Variants in CYP1B1 observed in about 807,000 individuals in gnomAD.
CYP1B1 encodes cytochrome P450 family 1 subfamily B member 1.
A neutral mutation model predicts 29.9 loss-of-function variants in CYP1B1; 22 were observed. The ratio of observed to expected loss-of-function variants is 0.74; its 90% CI spans 0.53 to 1.05. The LOEUF is 1.05. Ranked by LOEUF, CYP1B1 falls within the 50% of genes least tolerant of loss-of-function variation. The pLI is 0.00. For synonymous variants in CYP1B1, 375 were observed against 320.0 expected, an observed-to-expected ratio of 1.17 and a Z score of -1.83; for missense variants, 883 against 746.9, an observed-to-expected ratio of 1.18 and a Z score of -2.12.
In CYP1B1 at chr2:38,074,973, T is replaced by G. The variant is rs899222438; in HGVS notation, c.416A>C (p.Glu139Ala). The G allele has an allele frequency of 1.9e-6, 3 of 1,584,172 alleles. No individual in the cohort carries two copies. The highest frequency in any genetic ancestry group is 2.7e-5 in the African/African-American group (2 of 74,582). ...TGCGCGCCGCTGCACCTTCCAGTGC[T>G]CCGAGTAGTGGCCGAAAGCCATGCT... is the stretch of plus-strand genomic sequence containing the variant. Reference protein sequence around the residue: ...GRSMAFGHYSEHWKVQRRAAH... With the variant: ...GRSMAFGHYSAHWKVQRRAAH... The change falls in exon 2 of 3, where the codon GAG (glutamate) becomes GCG (alanine). Residue 139 changes from glutamate (E) to alanine (A), a missense_variant. Physicochemically the swap from Glu to Ala is moderately radical, Grantham distance 107. Transcript: ENST00000610745.
At position 38,071,186 on chromosome 2, in the gene CYP1B1, G is replaced by T. The variant is rs148542782; in HGVS notation, c.1168C>A (p.Arg390Ser). ...YVLAFLYEAM[R>S]FSSFVPVTIP... The stretch of plus-strand genomic sequence containing the variant: ...GTGACAGGCACAAAGCTGGAGAAGC[G>T]CATGGCTTCATAAAGGAAGGCCAGG... Residue 390 changes from arginine to serine, a missense_variant, in exon 3 of 3, where the codon CGC (arginine) becomes AGC (serine). Physicochemically the swap from Arg to Ser is moderately radical, Grantham distance 110 (BLOSUM62 -1). Coordinates refer to ENST00000610745, the MANE Select transcript of CYP1B1 (RefSeq NM_000104.4). 17 of 1,613,768 alleles carry T rather than the reference G, an allele frequency of 1.1e-5. No homozygotes were observed. Among genetic ancestry groups the T allele is most frequent in the African/African-American group, 4.0e-5 (3 of 75,048 alleles).
rs780857657 is a variant in CYP1B1, at chr2:38,075,008, G to T, written c.381C>A (p.Ser127=). The part of the protein sequence containing the change: ...RPAFASFRVV[S]GGRSMAFGHY... ...GGCCGAAAGCCATGCTGCGGCCGCC[G>T]GACACCACACGGAAGGAGGCGAAGG... The change falls in exon 2 of 3, where the codon TCC becomes TCA. Residue 127 remains serine, a synonymous_variant. Transcript: ENST00000610745. 6.3e-7 allele frequency: 1 copy of T among 1,590,934 alleles called. No homozygotes were observed. The highest frequency in any genetic ancestry group is 2.3e-5 in the East Asian group (1 of 44,406).
Position 38,071,400 on chromosome 2 carries a change from C to T in CYP1B1, c.1044-90G>A, listed in dbSNP as rs367993908. On this transcript the variant is annotated intron_variant, in intron 2 of 2. Transcript: ENST00000610745. Reference sequence around the variant, plus strand: ...CACATTATAATTTATTTTAATTCCACTTTTTCTTAAATAGGCTATCTAGCT... The same window carrying T: ...CACATTATAATTTATTTTAATTCCATTTTTTCTTAAATAGGCTATCTAGCT... 6.3e-6 allele frequency: 8 copies of T among 1,263,022 alleles called. No homozygotes were observed. In the East Asian group the frequency reaches 1.0e-4, roughly 16 times the overall value. The allele number at this position is 1,263,022 out of a possible 1,614,324, so 78.2% of individuals were successfully genotyped here.
At position 38,071,030 on chromosome 2, in the gene CYP1B1, G is replaced by A; in HGVS notation, c.1324C>T (p.Pro442Ser). Residue 442 changes from proline to serine, a missense_variant, in exon 3 of 3, where the codon CCA (proline) becomes TCA (serine). Coordinates refer to ENST00000610745, the MANE Select transcript of CYP1B1 (RefSeq NM_000104.4). Reference protein sequence around the residue: ...LKWPNPENFDPARFLDKDGLI... With the variant: ...LKWPNPENFDSARFLDKDGLI... The stretch of plus-strand genomic sequence containing the variant: ...CCATCCTTGTCCAAGAATCGAGCTG[G>A]ATCAAAGTTCTCCGGGTTAGGCCAC... 6.2e-7 allele frequency: 1 copy of A among 1,614,108 alleles called. No individual in the cohort carries two copies. Among genetic ancestry groups the A allele is most frequent in the Non-Finnish European group, 8.5e-7 (1 of 1,179,990 alleles).
chr2:38,072,922 A>T (rs1019060153), intron 2 of CYP1B1, among the ~76,000 whole-genome samples: 2 of 152,376 alleles, frequency 1.3e-5, no homozygotes, highest in South Asian at 4.1e-4. Context: ...CAGCATATTG[A>T]ATTGAAAGTG....
chr2:38,075,456 C>T, intron 1 of CYP1B1, 67 bp from the exon 2 acceptor site: 1 of 1,519,218 alleles, frequency 6.6e-7, no homozygotes, highest in Non-Finnish European at 9.0e-7. Context: ...CCCCACGCCC[C>T]TACCCCAGCC....
Position 38,074,552 on chromosome 2 carries a change from G to A in CYP1B1, c.837C>T (p.His279=), listed in dbSNP as rs149784934. Residue 279 remains histidine (H), a synonymous_variant, in exon 2 of 3, where the codon CAC becomes CAT. Transcript: ENST00000610745. ...CGGCCCCGGGCCGAAGGCTTTCGCA[G>A]TGCCTCAAGAACTTGTCCAGGATGA... The part of the protein sequence containing the change: ...SNFILDKFLR[H]CESLRPGAAP... The A allele has an allele frequency of 6.2e-7, 1 of 1,609,284 alleles. No homozygotes were observed. Among genetic ancestry groups the A allele is most frequent in the Non-Finnish European group, 8.5e-7 (1 of 1,178,062 alleles).
chr2:38,074,961 A>T lies in CYP1B1; in HGVS notation c.428T>A (p.Val143Glu). The change falls in exon 2 of 3, where the codon GTG becomes GAG. Residue 143 changes from valine to glutamate, a missense_variant. Transcript: ENST00000610745. ...CATGCTGTGGGCTGCGCGCCGCTGC[A>T]CCTTCCAGTGCTCCGAGTAGTGGCC... The part of the protein sequence containing the change: ...AFGHYSEHWK[V>E]QRRAAHSMMR... 4 of 1,577,212 alleles carry T rather than the reference A, an allele frequency of 2.5e-6. No homozygotes were observed. Among genetic ancestry groups the T allele is most frequent in the Non-Finnish European group, 3.4e-6 (4 of 1,169,512 alleles).
chr2:38,072,223 C>T (rs1395693047), intron 2 of CYP1B1, among the ~76,000 whole-genome samples: 2 of 152,048 alleles, frequency 1.3e-5, no homozygotes, highest in East Asian at 3.9e-4. Flanking sequence ...CACAACAGGA[C>T]CTAAAATTCT....
rs190572437 is a variant in CYP1B1 at position 38,071,298 on chromosome 2, C to A, written c.1056G>T (p.Val352=). The change falls in exon 3 of 3, where the codon GTG becomes GTT. Residue 352 remains valine, a synonymous_variant. Transcript: ENST00000610745. ...LLLLFTRYPD[V]QTRVQAELDQ... is the part of the protein sequence containing the mutation. ...CCAATTCTGCCTGCACTCGAGTCTG[C>A]ACATCAGGATACCTGTTTGGTGTTT... The A allele has an allele frequency of 2.5e-6, 4 of 1,612,906 alleles. No homozygotes were observed. Among genetic ancestry groups the A allele is most frequent in the Admixed American group, 3.3e-5 (2 of 60,006 alleles).
intron 2 of CYP1B1, 187 bp downstream of exon 2, chr2:38,074,159 G>GGGGCGC (rs1241036061): frequency 1.5e-6 from 1 of 667,060 alleles, no homozygotes; most frequent in Non-Finnish European, 2.6e-6. Context: ...ACCGCTGGGT[G>GGGGCGC]GGGCGCGTGC....
intron 1 of CYP1B1, 87 bp from the exon 2 acceptor site, chr2:38,075,476 T>TAG: frequency 1.5e-6 from 2 of 1,357,836 alleles, no homozygotes; most frequent in Non-Finnish European, 2.1e-6. Context: ...CTCTGGGGAC[T>TAG]GAGTGCCGTT....
At position 38,074,841 on chromosome 2, in the gene CYP1B1, C is replaced by T; in HGVS notation, c.548G>A (p.Arg183His). ...GAGGAAGGCGCCGTCCGCGCTGCCG[C>T]GCACCAGCAGCGCCACCAGCTCGCG... Reference protein sequence around the residue: ...EARELVALLVRGSADGAFLDP... With the variant: ...EARELVALLVHGSADGAFLDP... The change falls in exon 2 of 3, where the codon CGC becomes CAC. Residue 183 changes from arginine to histidine, a missense_variant. Transcript: ENST00000610745. The T allele has an allele frequency of 6.4e-7, 1 of 1,565,332 alleles. No individual in the cohort carries two copies. Among genetic ancestry groups the T allele is most frequent in the East Asian group, 2.4e-5 (1 of 42,028 alleles).
rs1225563632 is a variant in CYP1B1, at chr2:38,075,809, G to C, written c.-31C>G. On this transcript the variant is annotated 5_prime_UTR_variant, in exon 1 of 3. Transcript: ENST00000610745. ...GGGGAGGTGCGGTTTCCAGTGGCGC[G>C]GGACAGCCGGCTCCGAGAAGGAACT... 4.0e-6 allele frequency: 1 copy of C among 250,624 alleles called. No homozygotes were observed. Among genetic ancestry groups the C allele is most frequent in the Non-Finnish European group, 7.8e-6 (1 of 128,214 alleles). 15.5% of individuals were successfully genotyped at this position (250,624 alleles called of 1,614,324 possible).
At position 38,074,964 on chromosome 2, in the gene CYP1B1, T is replaced by C; in HGVS notation, c.425A>G (p.Lys142Arg). The C allele has an allele frequency of 6.3e-7, 1 of 1,579,846 alleles. No homozygotes were observed. The change falls in exon 2 of 3, where the codon AAG becomes AGG. Residue 142 changes from lysine (K) to arginine (R), a missense_variant. By Grantham distance (26) the Lys-to-Arg change is conservative. Coordinates refer to ENST00000610745, the MANE Select transcript of CYP1B1 (RefSeq NM_000104.4). ...GCTGTGGGCTGCGCGCCGCTGCACC[T>C]TCCAGTGCTCCGAGTAGTGGCCGAA... Reference protein sequence around the residue: ...MAFGHYSEHWKVQRRAAHSMM... With the variant: ...MAFGHYSEHWRVQRRAAHSMM...
In CYP1B1 at chr2:38,068,013, G is replaced by A. The variant is rs1423300556; in HGVS notation, c.*2709C>T. ...AAGTTCTGGGACATGAAAGCTTTTAGAAAATTCACAAAACAAACCTGAGAC... is the reference window on the plus strand; with the variant it reads ...AAGTTCTGGGACATGAAAGCTTTTAAAAAATTCACAAAACAAACCTGAGAC... On this transcript the variant is annotated 3_prime_UTR_variant, in exon 3 of 3. Transcript: ENST00000610745. 5.0e-6 allele frequency: 1 copy of A among 199,680 alleles called. No individual in the cohort carries two copies. Among genetic ancestry groups the A allele is most frequent in the Non-Finnish European group, 1.0e-5 (1 of 96,452 alleles). 12.4% of individuals were successfully genotyped at this position (199,680 alleles called of 1,614,324 possible). A position where few individuals can be genotyped will look rare whatever the true frequency, so the allele number is the denominator to read the frequency against.
intron 2 of CYP1B1, among the ~76,000 whole-genome samples, chr2:38,074,122 A>T (rs1402867711): frequency 6.6e-6 from 1 of 152,004 alleles, no homozygotes; most frequent in Non-Finnish European, 1.5e-5. Context: ...CGATAGAGAC[A>T]AGATAGGAGA....
chr2:38,070,996 T>C lies in CYP1B1; in HGVS notation c.1358A>G (p.Asn453Ser), dbSNP rs1800440. Residue 453 changes from asparagine (N) to serine (S), a missense_variant, in exon 3 of 3, where the codon AAC (asparagine) becomes AGC (serine). Asn to Ser is a conservative substitution (Grantham distance 46, BLOSUM62 1). Transcript: ENST00000610745. ...ARFLDKDGLI[N>S]KDLTSRVMIF... Reference sequence around the variant, plus strand: ...CATCACTCTGCTGGTCAGGTCCTTGTTGATGAGGCCATCCTTGTCCAAGAA... The same window carrying C: ...CATCACTCTGCTGGTCAGGTCCTTGCTGATGAGGCCATCCTTGTCCAAGAA... 0.17 allele frequency: 276,228 copies of C among 1,614,006 alleles called. 25,836 individuals carry two copies. The highest frequency in any genetic ancestry group is 0.23 in the South Asian group (20,801 of 91,086).
chr2:38,067,523 T>A lies in CYP1B1; in HGVS notation c.*3199A>T, dbSNP rs1558600009. ...CAAATAAAATGTTTACAGTGCAATA[T>A]TTTAATTGAATAATCCATAGTAATA... On this transcript the variant is annotated 3_prime_UTR_variant, in exon 3 of 3. Transcript: ENST00000610745. 6.0e-6 allele frequency: 1 copy of A among 165,556 alleles called. No individual in the cohort carries two copies. Among genetic ancestry groups the A allele is most frequent in the African/African-American group, 2.4e-5 (1 of 41,902 alleles). 10.3% of individuals were successfully genotyped at this position (165,556 alleles called of 1,614,324 possible).
Sources: allele counts gnomAD v4.1 joint callset (sites outside exome capture counted in the v4.1 genomes callset), GRCh38; gene constraint gnomAD v4.1.1; transcripts MANE v1.5; gene names NCBI Gene and HGNC (gene_info 2026-07-23, HGNC 2026-07-21).